PRKCA: variants seen among roughly 807,000 people sequenced by gnomAD.
The protein encoded by PRKCA is protein kinase C alpha.
In PRKCA, 27 loss-of-function variants were observed where a neutral mutation model predicts 87.0. That is an observed-to-expected ratio of 0.31 (90% confidence interval 0.23 to 0.43). The LOEUF is 0.43. Ranked by LOEUF, PRKCA falls within the 20% of genes least tolerant of loss-of-function variation. The probability of loss-of-function intolerance (pLI) is 1.00; values close to 1 mark genes in which losing one functional copy is unlikely to be tolerated. For synonymous variants in PRKCA, 329 were observed against 311.1 expected, an observed-to-expected ratio of 1.06 and a Z score of -0.61; for missense variants, 518 against 852.3, an observed-to-expected ratio of 0.61 and a Z score of 4.88.
intron 5 of PRKCA, among the ~76,000 whole-genome samples, chr17:66,667,478 T>G (rs183072408): frequency 1.3e-5 from 2 of 152,280 alleles, no homozygotes; most frequent in East Asian, 3.9e-4. Context: ...GAAAAGCCCC[T>G]TATAAAGCCA....
Position 66,750,649 on chromosome 17 carries a change from C to T in PRKCA, c.1524+7889C>T, listed in dbSNP as rs1353561711. The stretch of plus-strand genomic sequence containing the variant: ...CCCGCTCCTTTCTTCTGAGCCTCCC[C>T]ACTTCCAATCCTCCCTCCAGAAGTA... On this transcript the variant is annotated intron_variant, in intron 13 of 16. Coordinates refer to ENST00000413366, the MANE Select transcript of PRKCA (RefSeq NM_002737.3). Among the ~76,000 whole-genome samples, 7 of 152,190 alleles carry T rather than the reference C, an allele frequency of 4.6e-5. No homozygotes were observed. In the East Asian group the frequency reaches 1.3e-3, roughly 29 times the overall value.
intron 3 of PRKCA, among the ~76,000 whole-genome samples, chr17:66,563,097 A>T (rs1968767599): frequency 6.6e-6 from 1 of 152,082 alleles, no homozygotes; most frequent in African/African-American, 2.4e-5. Context: ...GTGTTCCCTT[A>T]TACCTGCCCC....
In PRKCA at chr17:66,595,092, C is replaced by T. The variant is rs943716039; in HGVS notation, c.289-46263C>T. On this transcript the variant is annotated intron_variant, in intron 3 of 16. Coordinates refer to ENST00000413366, the MANE Select transcript of PRKCA (RefSeq NM_002737.3). ...CAGTCTTTGCCAGTCTTTGCTTTGACGATGCATTATTCTAATGTCTGCCCC... is the reference window on the plus strand; with the variant it reads ...CAGTCTTTGCCAGTCTTTGCTTTGATGATGCATTATTCTAATGTCTGCCCC... 9.5e-4 allele frequency among the ~76,000 whole-genome samples: 145 copies of T among 152,278 alleles called. 4 individuals are homozygous for T. Among genetic ancestry groups the T allele is most frequent in the Admixed American group, 7.2e-3 (110 of 15,296 alleles).
chr17:66,465,295 C>G (rs1915036197), intron 2 of PRKCA, among the ~76,000 whole-genome samples: 1 of 152,112 alleles, frequency 6.6e-6, no homozygotes, highest in Non-Finnish European at 1.5e-5. Context: ...TTCAAGACTT[C>G]CCTAAGAAAC....
rs117910471 is a variant in PRKCA at position 66,656,959 on chromosome 17, A to G, written c.529+11448A>G. ...ATATATATATTTTCAGATGTGTTGTAAAGGAATCTCCCATTAACATGTATA... is the reference window on the plus strand; with the variant it reads ...ATATATATATTTTCAGATGTGTTGTGAAGGAATCTCCCATTAACATGTATA... On this transcript the variant is annotated intron_variant, in intron 5 of 16. Coordinates refer to ENST00000413366, the MANE Select transcript of PRKCA (RefSeq NM_002737.3). 7.9e-5 allele frequency among the ~76,000 whole-genome samples: 12 copies of G among 152,346 alleles called. No homozygotes were observed. The East Asian group carries it at 2.1e-3, about 27-fold the overall frequency.
At chr17:66,318,470 T>C (rs1010990318) in intron 2 of PRKCA, among the ~76,000 whole-genome samples, 1 of 152,170 alleles carries the variant, frequency 6.6e-6, no homozygotes, top group Non-Finnish European at 1.5e-5. Context: ...TTGAGCTGGA[T>C]TGATGTCTGT....
At position 66,441,786 on chromosome 17, in the gene PRKCA, G is replaced by T. The variant is rs144687313; in HGVS notation, c.206-54415G>T. On this transcript the variant is annotated intron_variant, in intron 2 of 16. Transcript: ENST00000413366. ...AGGAACATTTAATTTACACTGAAAT[G>T]ATTTTTCCTCTTAGACCTTCTGAAA... Among the ~76,000 whole-genome samples the T allele has an allele frequency of 6.3e-4, 96 of 152,084 alleles. 1 individual carries two copies. Among genetic ancestry groups the T allele is most frequent in the African/African-American group, 2.3e-3 (94 of 41,492 alleles).
chr17:66,702,202 A>G (rs569145877), intron 8 of PRKCA, among the ~76,000 whole-genome samples: 1,752 of 150,108 alleles, frequency 0.012, 38 homozygotes, highest in African/African-American at 0.04. Flanking sequence ...ACATATATGT[A>G]TATGTGTGTA....
In PRKCA at chr17:66,587,237, G is replaced by A. The variant is rs533068097; in HGVS notation, c.289-54118G>A. The stretch of plus-strand genomic sequence containing the variant: ...TAGGGCTAATTTTAAGTTATTTTTT[G>A]GGGACTATCATCCCTTATATCCTTC... On this transcript the variant is annotated intron_variant, in intron 3 of 16. Transcript: ENST00000413366. 5.3e-5 allele frequency among the ~76,000 whole-genome samples: 8 copies of A among 152,178 alleles called. No homozygotes were observed. In the South Asian group the frequency reaches 1.7e-3, roughly 32 times the overall value.
chr17:66,427,707 T>C (rs1912888560), intron 2 of PRKCA, among the ~76,000 whole-genome samples: 1 of 152,152 alleles, frequency 6.6e-6, no homozygotes, highest in South Asian at 2.1e-4. Context: ...TTTCTAAGTA[T>C]GGGGGGATTT....
chr17:66,313,455 T>C (rs1905169168), intron 2 of PRKCA, among the ~76,000 whole-genome samples: 1 of 152,250 alleles, frequency 6.6e-6, no homozygotes, highest in African/African-American at 2.4e-5. Context: ...ACATTAACAC[T>C]GCAGAAATAA....
At chr17:66,422,181 A>G (rs958381892) in intron 2 of PRKCA, among the ~76,000 whole-genome samples, 8 of 152,186 alleles carry the variant, frequency 5.3e-5, no homozygotes, top group East Asian at 1.9e-4. Flanking sequence ...AAAAGGTCCT[A>G]TTTCCAAATA....
At chr17:66,750,223 C>T (rs942495445) in intron 13 of PRKCA, among the ~76,000 whole-genome samples, 1 of 151,834 alleles carries the variant, frequency 6.6e-6, no homozygotes, top group Non-Finnish European at 1.5e-5. Context: ...GGCCCCGCAC[C>T]AGCCCAGCAT....
intron 3 of PRKCA, among the ~76,000 whole-genome samples, chr17:66,571,767 G>C (rs1297806583): frequency 6.6e-6 from 1 of 152,224 alleles, no homozygotes; most frequent in African/African-American, 2.4e-5. Flanking sequence ...CCGTAGAGCA[G>C]ATAAAAGACC....
At chr17:66,499,925 G>A (rs1028466491) in intron 3 of PRKCA, among the ~76,000 whole-genome samples, 7 of 152,120 alleles carry the variant, frequency 4.6e-5, no homozygotes, top group African/African-American at 1.2e-4. Context: ...ATCTCATGCC[G>A]AATGTGTCTG....
rs758679366 is a variant in PRKCA at position 66,621,963 on chromosome 17, C to T, written c.289-19392C>T. On this transcript the variant is annotated intron_variant, in intron 3 of 16. Coordinates refer to ENST00000413366, the MANE Select transcript of PRKCA (RefSeq NM_002737.3). ...CTACCTCTAATCCCAGCAATTTGGG[C>T]GTCCACGGCGGGAGGATTGCTTGAG... Among the ~76,000 whole-genome samples the T allele has an allele frequency of 1.6e-4, 24 of 152,254 alleles. No individual in the cohort carries two copies. The East Asian group carries it at 1.9e-3, about 12-fold the overall frequency.
chr17:66,688,987 C>T lies in PRKCA; in HGVS notation c.858C>T (p.Tyr286=), dbSNP rs376226932. 4 of 1,607,476 alleles carry T rather than the reference C, an allele frequency of 2.5e-6. No individual in the cohort carries two copies. The South Asian group carries it at 3.3e-5, about 13-fold the overall frequency. The part of the protein sequence containing the change: ...KLLNQEEGEY[Y]NVPIPEGDEE... ...TTAACCAAGAAGAAGGTGAGTACTA[C>T]AACGTACCCATTCCGGAAGGGGACG... The change falls in exon 8 of 17, where the codon TAC becomes TAT. Residue 286 remains tyrosine, a synonymous_variant. Transcript: ENST00000413366.
intron 2 of PRKCA, among the ~76,000 whole-genome samples, chr17:66,453,665 C>T (rs988574150): frequency 1.3e-5 from 2 of 152,118 alleles, no homozygotes; most frequent in Admixed American, 1.3e-4. Context: ...GCGCCGCCCT[C>T]GTCTGCTGTA....
At chr17:66,306,182 A>G in intron 2 of PRKCA, 55 bp downstream of exon 2, 1 of 1,487,938 alleles carries the variant, frequency 6.7e-7, no homozygotes, top group African/African-American at 1.4e-5. Context: ...AAGCATTCCA[A>G]ACAAGAACAT....
Sources: gnomAD v4.1 joint callset for allele counts (sites outside exome capture counted in the v4.1 genomes callset) on GRCh38, gnomAD v4.1.1 for gene constraint, MANE v1.5 for transcripts, NCBI Gene and HGNC (gene_info 2026-07-23, HGNC 2026-07-21) for gene names.